SEMA3D: variants seen among roughly 807,000 people sequenced by gnomAD.
SEMA3D encodes semaphorin-3D.
SEMA3D carries 84 observed loss-of-function variants against 100.1 expected under a neutral mutation model. That is an observed-to-expected ratio of 0.84 (90% CI 0.70 to 1.01). The LOEUF (loss-of-function observed/expected upper bound fraction) is 1.01. Ranked by LOEUF, SEMA3D falls within the 50% of genes least tolerant of loss-of-function variation. The pLI, the probability that SEMA3D is intolerant of heterozygous loss-of-function variation, is 0.00. For synonymous variants in SEMA3D, 312 were observed against 320.7 expected, an observed-to-expected ratio of 0.97 and a Z score of 0.29; for missense variants, 875 against 934.1, an observed-to-expected ratio of 0.94 and a Z score of 0.82.
chr7:85,135,319 T>C (rs1789827324), intron 2 of SEMA3D, among the ~76,000 whole-genome samples: 1 of 152,126 alleles, frequency 6.6e-6, no homozygotes, highest in East Asian at 1.9e-4. Flanking sequence ...AGAGTTCCTT[T>C]CCCTCAACTG....
At chr7:85,206,214 C>A in the SEMA3D span, among the ~76,000 whole-genome samples, 1 of 152,106 alleles carries the variant, frequency 6.6e-6, no homozygotes, top group Non-Finnish European at 1.5e-5. Flanking sequence ...ATACATTTGA[C>A]AACATCATGA....
intron 6 of SEMA3D, among the ~76,000 whole-genome samples, chr7:85,070,258 G>A (rs539451686): frequency 3.3e-5 from 5 of 152,208 alleles, no homozygotes; most frequent in African/African-American, 1.2e-4. Flanking sequence ...TACTGAACAT[G>A]CCACAAATGC....
At chr7:85,105,221 G>A (rs1281264840) in intron 3 of SEMA3D, among the ~76,000 whole-genome samples, 1 of 151,960 alleles carries the variant, frequency 6.6e-6, no homozygotes, top group African/African-American at 2.4e-5. Flanking sequence ...GATCTCTAAA[G>A]TTCCAGGGCT....
intron 4 of SEMA3D, among the ~76,000 whole-genome samples, chr7:85,083,882 TCA>T (rs1323791941): frequency 3.4e-5 from 5 of 145,670 alleles, no homozygotes; most frequent in Non-Finnish European, 6.0e-5. Flanking sequence ...GGGTGGTGGC[TCA>T]CGCCTCTAAT....
At chr7:85,162,637 G>A (rs1583980576) in intron 1 of SEMA3D, among the ~76,000 whole-genome samples, 1 of 152,126 alleles carries the variant, frequency 6.6e-6, no homozygotes. Flanking sequence ...CAGTGGAGTG[G>A]AGCAGTAAGT....
chr7:85,016,380 A>G (rs996237345), intron 15 of SEMA3D, among the ~76,000 whole-genome samples: 2 of 151,450 alleles, frequency 1.3e-5, no homozygotes, highest in Non-Finnish European at 3.0e-5. Context: ...AACCCCCCCT[A>G]AATCTACTCC....
the SEMA3D span, among the ~76,000 whole-genome samples, chr7:85,193,611 A>G: frequency 6.6e-6 from 1 of 152,008 alleles, no homozygotes; most frequent in African/African-American, 2.4e-5. Context: ...AAAATATTCA[A>G]CTCCAGCCCT....
chr7:85,151,672 T>C (rs1467658973), intron 2 of SEMA3D: 1 of 982,074 alleles, frequency 1.0e-6, no homozygotes, highest in Non-Finnish European at 1.2e-6. Context: ...GTGTATTTAG[T>C]ACTATTTCTT....
At chr7:85,202,955 G>T in the SEMA3D span, among the ~76,000 whole-genome samples, 1 of 152,182 alleles carries the variant, frequency 6.6e-6, no homozygotes, top group Non-Finnish European at 1.5e-5. Context: ...AGGTAAGAGA[G>T]GGTGAGGTCT....
At chr7:85,225,048 TTTTATATATATATA>T in the SEMA3D span, among the ~76,000 whole-genome samples, 1 of 92,802 alleles carries the variant, frequency 1.1e-5, no homozygotes, top group Non-Finnish European at 1.8e-5. Context: ...CCTGATTTTC[TTTTATATATATATA>T]TATATATATA....
chr7:85,033,689 T>C (rs1790608633), intron 12 of SEMA3D, among the ~76,000 whole-genome samples: 1 of 151,984 alleles, frequency 6.6e-6, no homozygotes, highest in African/African-American at 2.4e-5. Flanking sequence ...GCCTGAATGG[T>C]GACAGTCTTT....
the SEMA3D span, among the ~76,000 whole-genome samples, chr7:85,235,907 C>G: frequency 6.6e-6 from 1 of 152,102 alleles, no homozygotes; most frequent in East Asian, 1.9e-4. Flanking sequence ...ACAGAAACAT[C>G]CTAATTTCTT....
intron 17 of SEMA3D, among the ~76,000 whole-genome samples, chr7:85,010,606 G>A (rs1365807621): frequency 2.6e-5 from 4 of 151,838 alleles, no homozygotes; most frequent in Admixed American, 6.6e-5. Context: ...TAATATAAAA[G>A]TGACTCCTAG....
At chr7:85,135,958 G>A (rs1393748907) in intron 2 of SEMA3D, among the ~76,000 whole-genome samples, 1 of 151,972 alleles carries the variant, frequency 6.6e-6, no homozygotes, top group Non-Finnish European at 1.5e-5. Flanking sequence ...CATTTATCCT[G>A]TCTATACAAT....
intron 3 of SEMA3D, among the ~76,000 whole-genome samples, chr7:85,117,151 T>A (rs759781156): frequency 6.6e-6 from 1 of 152,164 alleles, no homozygotes; most frequent in Non-Finnish European, 1.5e-5. Flanking sequence ...TGTTTAAATA[T>A]ACGCACTTGA....
chr7:85,245,523 T>C, the SEMA3D span, among the ~76,000 whole-genome samples: 1 of 152,216 alleles, frequency 6.6e-6, no homozygotes, highest in Non-Finnish European at 1.5e-5. Context: ...CTTTACTCCT[T>C]TGTATTTACT....
chr7:85,056,282 C>T (rs1359990545), intron 8 of SEMA3D, among the ~76,000 whole-genome samples: 2 of 151,824 alleles, frequency 1.3e-5, no homozygotes, highest in South Asian at 4.2e-4. Flanking sequence ...TGTAATTGCC[C>T]TAGGGGTATA....
At chr7:85,169,404 T>C (rs17159635) in intron 1 of SEMA3D, among the ~76,000 whole-genome samples, 4,591 of 151,950 alleles carry the variant, frequency 0.03, 99 homozygotes, top group South Asian at 0.072. Context: ...TACTTTCACA[T>C]AGTATATTTT....
chr7:85,140,928 T>G, intron 2 of SEMA3D: 1 of 607,394 alleles, frequency 1.6e-6, no homozygotes, highest in Non-Finnish European at 2.1e-6. Flanking sequence ...TGATCACTGT[T>G]AAAATCTTCT....
Sources: gnomAD v4.1 joint callset for allele counts (sites outside exome capture counted in the v4.1 genomes callset) on GRCh38, gnomAD v4.1.1 for gene constraint, MANE v1.5 for transcripts, NCBI Gene and HGNC (gene_info 2026-07-23, HGNC 2026-07-21) for gene names.